TTC39C: variants seen among roughly 807,000 people sequenced by gnomAD.
TTC39C encodes the protein tetratricopeptide repeat domain 39C, also known as tetratricopeptide repeat protein 39C.
A neutral mutation model predicts 76.3 loss-of-function variants in TTC39C; 33 were observed. The observed-to-expected ratio is 0.43, with a 90% confidence interval of 0.33 to 0.58. The LOEUF (loss-of-function observed/expected upper bound fraction) is 0.58. Ranked by LOEUF, TTC39C falls within the 20% of genes least tolerant of loss-of-function variation. The pLI is 0.04. For synonymous variants in TTC39C, 254 were observed against 260.6 expected, an observed-to-expected ratio of 0.97 and a Z score of 0.24; for missense variants, 595 against 701.4, an observed-to-expected ratio of 0.85 and a Z score of 1.71.
In TTC39C at chr18:24,066,134, G is replaced by A. The variant is rs768092769; in HGVS notation, c.339G>A (p.Lys113=). The change falls in exon 3 of 14, where the codon AAG becomes AAA. Residue 113 remains lysine, a synonymous_variant. Transcript: ENST00000317571. ...TTGAAACAATCAAGAATAAAATTAA[G>A]AAGAACGTAAGTATTGCGGCTTTAG... ...GVIETIKNKI[K]KNVDVRKSAP... is the part of the protein sequence containing the mutation. 6.3e-7 allele frequency: 1 copy of A among 1,596,436 alleles called. No homozygotes were observed. The highest frequency in any genetic ancestry group is 1.4e-5 in the African/African-American group (1 of 73,628).
Position 24,017,785 on chromosome 18 carries a change from T to C in TTC39C, c.167+2747T>C, listed in dbSNP as rs183625435. 2.1e-3 allele frequency among the ~76,000 whole-genome samples: 322 copies of C among 152,350 alleles called. 3 individuals carry two copies. The highest frequency in any genetic ancestry group is 7.4e-3 in the African/African-American group (307 of 41,588). Reference sequence around the variant, plus strand: ...CCCTCTCTGTCTCCTTTTTTAATGATTGTTTATCACAGGGGGACACCCTTC... The same window carrying C: ...CCCTCTCTGTCTCCTTTTTTAATGACTGTTTATCACAGGGGGACACCCTTC... On this transcript the variant is annotated intron_variant, in intron 1 of 13. Transcript: ENST00000317571.
intron 1 of TTC39C, among the ~76,000 whole-genome samples, chr18:24,039,520 C>T (rs181165121): frequency 9.8e-5 from 15 of 152,326 alleles, no homozygotes; most frequent in East Asian, 7.7e-4. Flanking sequence ...TTTGTAGAGA[C>T]GGAGTCTCAG....
At chr18:24,027,243 G>A (rs899330675) in intron 1 of TTC39C, among the ~76,000 whole-genome samples, 1 of 151,822 alleles carries the variant, frequency 6.6e-6, no homozygotes, top group African/African-American at 2.4e-5. Context: ...AGTGACCCGA[G>A]ATCGCGCCAC....
Position 24,118,245 on chromosome 18 carries a change from T to G in TTC39C, c.1186+13T>G. On this transcript the variant is annotated intron_variant, in intron 8 of 13. Coordinates refer to ENST00000317571, the MANE Select transcript of TTC39C (RefSeq NM_001135993.2). Reference sequence around the variant, plus strand: ...TACTTGACTGCAGGTGAGTCGCCCATGGTCCCTCAGTGTGCCTCTCTCTGT... The same window carrying G: ...TACTTGACTGCAGGTGAGTCGCCCAGGGTCCCTCAGTGTGCCTCTCTCTGT... 1.2e-6 allele frequency: 2 copies of G among 1,603,738 alleles called. No homozygotes were observed. Among genetic ancestry groups the G allele is most frequent in the Non-Finnish European group, 8.5e-7 (1 of 1,172,456 alleles).
rs368334285 is a variant in TTC39C at position 24,092,127 on chromosome 18, A to AATAATC, written c.984+9051_984+9052insCATAAT. On this transcript the variant is annotated intron_variant, in intron 6 of 13. Transcript: ENST00000317571. ...AAAAAAAAAAAAAAAAAAAAAAAATAATAATAATAGACAACGGATCTGAAG... is the reference window on the plus strand; with the variant it reads ...AAAAAAAAAAAAAAAAAAAAAAAATAATAATCATAATAATAGACAACGGATCTGAAG... Among the ~76,000 whole-genome samples, 1,223 of 132,280 alleles carry AATAATC rather than the reference A, an allele frequency of 9.2e-3. 74 individuals are homozygous for AATAATC. The highest frequency in any genetic ancestry group is 0.026 in the African/African-American group (869 of 33,294). 86.8% of individuals were successfully genotyped at this position (132,280 alleles called of 152,430 possible). A position where few individuals can be genotyped will look rare whatever the true frequency, so the allele number is the denominator to read the frequency against.
chr18:24,084,044 G>A (rs2084411619), intron 6 of TTC39C, among the ~76,000 whole-genome samples: 1 of 152,208 alleles, frequency 6.6e-6, no homozygotes, highest in African/African-American at 2.4e-5. Flanking sequence ...TTGGGGGTGG[G>A]GATGCAGGCA....
intron 1 of TTC39C, among the ~76,000 whole-genome samples, chr18:24,030,971 T>A (rs1846110823): frequency 6.8e-6 from 1 of 147,200 alleles, no homozygotes; most frequent in Non-Finnish European, 1.5e-5. Context: ...TGAGACAGGG[T>A]CTTACTCTGT....
intron 6 of TTC39C, among the ~76,000 whole-genome samples, chr18:24,087,927 A>T (rs748229510): frequency 1.9e-4 from 29 of 152,198 alleles, no homozygotes; most frequent in Non-Finnish European, 4.4e-5. Flanking sequence ...TGGGCCTAGC[A>T]CAGGACTGGC....
At chr18:24,111,199 C>G (rs2084804716) in intron 6 of TTC39C, among the ~76,000 whole-genome samples, 1 of 152,016 alleles carries the variant, frequency 6.6e-6, no homozygotes, top group African/African-American at 2.4e-5. Context: ...ACCGTGTTAG[C>G]CAGGCTGGTG....
At chr18:24,050,723 T>G (rs2083937392) in intron 1 of TTC39C, among the ~76,000 whole-genome samples, 1 of 152,014 alleles carries the variant, frequency 6.6e-6, no homozygotes, top group Admixed American at 6.6e-5. Context: ...AATACACAGT[T>G]AGCTGGGTGT....
intron 6 of TTC39C, among the ~76,000 whole-genome samples, chr18:24,104,688 T>TGTGTGTGTGTG (rs1555776536): frequency 6.9e-6 from 1 of 144,738 alleles, no homozygotes. Flanking sequence ...AGCAGGGTGT[T>TGTGTGTGTGTG]TGTGTGTGTG....
intron 1 of TTC39C, among the ~76,000 whole-genome samples, chr18:24,000,929 T>A (rs1174785037): frequency 6.6e-6 from 1 of 152,294 alleles, no homozygotes; most frequent in South Asian, 2.1e-4. Flanking sequence ...CTGAGAGATG[T>A]TAAGCAACTT....
intron 6 of TTC39C, among the ~76,000 whole-genome samples, chr18:24,103,423 C>G (rs768539618): frequency 9.9e-5 from 15 of 152,260 alleles, no homozygotes; most frequent in Non-Finnish European, 1.8e-4. Context: ...TGCAGAACAT[C>G]CTTGTGGTTT....
chr18:24,083,039 T>G lies in TTC39C; in HGVS notation c.942T>G (p.Ser314=), dbSNP rs569216413. 2.5e-6 allele frequency: 4 copies of G among 1,614,154 alleles called. No individual in the cohort carries two copies. In the Admixed American group the frequency reaches 5.0e-5, roughly 20 times the overall value. The change falls in exon 6 of 14, where the codon TCT becomes TCG. Residue 314 remains serine, a synonymous_variant. Transcript: ENST00000317571. ...LLKKEAAYPN[S]SLFMFFKGRI... ...AAAAAGAAGCTGCTTATCCAAATTC[T>G]TCCCTCTTTATGTTTTTCAAGGGAC...
chr18:24,109,583 T>C (rs78467872), intron 6 of TTC39C, among the ~76,000 whole-genome samples: 2,008 of 152,324 alleles, frequency 0.013, 20 homozygotes, highest in Non-Finnish European at 0.022. Context: ...AGTGAACTAG[T>C]TATTTATATA....
chr18:24,109,530 A>G (rs1366002043), intron 6 of TTC39C, among the ~76,000 whole-genome samples: 1 of 152,182 alleles, frequency 6.6e-6, no homozygotes, highest in East Asian at 1.9e-4. Context: ...AATTATGGCG[A>G]TTTAAACATT....
intron 6 of TTC39C, among the ~76,000 whole-genome samples, chr18:24,086,120 AT>A (rs1304818071): frequency 6.6e-6 from 1 of 152,072 alleles, no homozygotes; most frequent in African/African-American, 2.4e-5. Flanking sequence ...CTTACAAAGA[AT>A]TTTTTTTCTT....
Position 24,043,601 on chromosome 18 carries a change from C to T in TTC39C, c.168-20539C>T, listed in dbSNP as rs1316837181. ...GTGTCTTGAAGCCCTTCTCGTCTGCCGCCTGGGCTGTAGTTGCTCAACACG... is the reference window on the plus strand; with the variant it reads ...GTGTCTTGAAGCCCTTCTCGTCTGCTGCCTGGGCTGTAGTTGCTCAACACG... On this transcript the variant is annotated intron_variant, in intron 1 of 13. Transcript: ENST00000317571. Among the ~76,000 whole-genome samples the T allele has an allele frequency of 2.6e-5, 4 of 152,170 alleles. No homozygotes were observed. The South Asian group carries it at 6.2e-4, about 24-fold the overall frequency.
At chr18:24,110,118 C>T (rs1156985745) in intron 6 of TTC39C, among the ~76,000 whole-genome samples, 4 of 152,132 alleles carry the variant, frequency 2.6e-5, no homozygotes, top group Admixed American at 1.3e-4. Flanking sequence ...AAGGCAGCCA[C>T]AGTTCAGCCT....
Sources: gnomAD v4.1 joint callset for allele counts (sites outside exome capture counted in the v4.1 genomes callset) on GRCh38, gnomAD v4.1.1 for gene constraint, MANE v1.5 for transcripts, NCBI Gene and HGNC (gene_info 2026-07-23, HGNC 2026-07-21) for gene names.